SUMF1: variants seen among roughly 807,000 people sequenced by gnomAD.
SUMF1 encodes formylglycine-generating enzyme.
Under a neutral mutation model 47.6 loss-of-function variants are expected in SUMF1, and 48 were observed. That is an observed-to-expected ratio of 1.01 (90% CI 0.80 to 1.28). The LOEUF (loss-of-function observed/expected upper bound fraction) is 1.28. Among genes scored for constraint, SUMF1 ranks in the 50% most tolerant of loss-of-function variants. SUMF1 has a pLI of 0.00. For missense variants in SUMF1, 571 were observed against 485.4 expected (o/e 1.18, Z -1.66); for synonymous variants, 230 against 192.1 (o/e 1.20, Z -1.63).
At chr3:4,164,484 G>A (rs1176114108) in intron 8 of SUMF1, among the ~76,000 whole-genome samples, 2 of 152,148 alleles carry the variant, frequency 1.3e-5, no homozygotes, top group Non-Finnish European at 2.9e-5. Flanking sequence ...TGATTGCCTT[G>A]GCATAGTGGA....
intron 8 of SUMF1, among the ~76,000 whole-genome samples, chr3:4,340,103 GTGCA>G (rs1464343205): frequency 1.4e-5 from 2 of 140,748 alleles, no homozygotes; most frequent in Non-Finnish European, 3.1e-5. Context: ...AGGCACCAAT[GTGCA>G]CACACACACA....
At chr3:4,358,695 T>C (rs1321753828), downstream of SUMF1, among the ~76,000 whole-genome samples, 3 of 152,218 alleles carry the variant, frequency 2.0e-5, no homozygotes, top group Non-Finnish European at 4.4e-5. Context: ...TGCTACACTT[T>C]CCAGTGTGTT....
intron 8 of SUMF1, among the ~76,000 whole-genome samples, chr3:4,326,105 A>C (rs1200373458): frequency 6.6e-6 from 1 of 152,240 alleles, no homozygotes; most frequent in Non-Finnish European, 1.5e-5. Context: ...TACAGGCGTG[A>C]GCCACAGTGC....
chr3:4,221,087 T>C (rs112752047), intron 8 of SUMF1, among the ~76,000 whole-genome samples: 1 of 152,158 alleles, frequency 6.6e-6, no homozygotes, highest in African/African-American at 2.4e-5. Context: ...AGTAGTCACC[T>C]TAGCATCTGG....
chr3:4,376,476 GCT>G, intron 7 of SUMF1, 87 bp from the exon 8 acceptor site: 1 of 1,366,640 alleles, frequency 7.3e-7, no homozygotes, highest in Non-Finnish European at 1.0e-6. Context: ...GATCCAACCA[GCT>G]CTCTCATGGT....
intron 8 of SUMF1, among the ~76,000 whole-genome samples, chr3:4,158,158 C>A (rs1694496410): frequency 6.6e-6 from 1 of 151,492 alleles, no homozygotes; most frequent in Non-Finnish European, 1.5e-5. Flanking sequence ...CTTCAAGGAA[C>A]TTATTATGGT....
chr3:4,467,060 G>T lies in SUMF1; in HGVS notation c.186C>A (p.Gly62=). 1 of 1,566,260 alleles carries T rather than the reference G, an allele frequency of 6.4e-7. No individual in the cohort carries two copies. The highest frequency in any genetic ancestry group is 8.6e-7 in the Non-Finnish European group (1 of 1,156,786). ...AGTATCGGTGAGCGGCTGCCGAACT[G>T]CCATGGGCGCCAGGCCGCTGGGGCG... is the stretch of plus-strand genomic sequence containing the variant. The part of the protein sequence containing the change: ...CGTPQRPGAH[G]SSAAAHRYSR... Residue 62 remains glycine, a synonymous_variant, in exon 1 of 9, where the codon GGC becomes GGA. Transcript: ENST00000272902.
rs1376017017 is a variant in SUMF1 at position 4,456,727 on chromosome 3, C to T, written c.271-3678G>A. On this transcript the variant is annotated intron_variant, in intron 1 of 8. Transcript: ENST00000272902. Reference sequence around the variant, plus strand: ...ATACGTATATATATACATATATATACGTGTGTATATATACACACATATATA... The same window carrying T: ...ATACGTATATATATACATATATATATGTGTGTATATATACACACATATATA... Among the ~76,000 whole-genome samples, 52 of 50,384 alleles carry T rather than the reference C, an allele frequency of 1.0e-3. 2 individuals are homozygous for T. Among genetic ancestry groups the T allele is most frequent in the South Asian group, 1.9e-3 (3 of 1,564 alleles). 33.1% of individuals were successfully genotyped at this position (50,384 alleles called of 152,430 possible).
intron 8 of SUMF1, among the ~76,000 whole-genome samples, chr3:4,143,999 T>C (rs1247286223): frequency 3.3e-5 from 5 of 151,178 alleles, no homozygotes; most frequent in South Asian, 2.1e-4. Flanking sequence ...TTTTTTTTTT[T>C]TTTTTTTTTT....
At chr3:4,400,920 T>C (rs1486986455) in intron 7 of SUMF1, among the ~76,000 whole-genome samples, 1 of 151,816 alleles carries the variant, frequency 6.6e-6, no homozygotes, top group Non-Finnish European at 1.5e-5. Context: ...ATCCATTAAC[T>C]TGTCATTTAC....
At chr3:4,065,031 C>T (rs1045649532) in intron 9 of SUMF1, among the ~76,000 whole-genome samples, 2 of 152,132 alleles carry the variant, frequency 1.3e-5, no homozygotes, top group Admixed American at 6.5e-5. Flanking sequence ...TGGTGCAGTT[C>T]TCCACCCTCT....
intron 8 of SUMF1, among the ~76,000 whole-genome samples, chr3:4,212,970 C>A (rs1348917628): frequency 1.3e-5 from 2 of 152,102 alleles, no homozygotes; most frequent in Non-Finnish European, 2.9e-5. Flanking sequence ...AGAATGGAAC[C>A]AAGTTGGAAA....
chr3:4,123,351 C>G (rs903010182), intron 8 of SUMF1, among the ~76,000 whole-genome samples: 2 of 152,106 alleles, frequency 1.3e-5, no homozygotes, highest in Non-Finnish European at 2.9e-5. Context: ...AGCTAAGTTC[C>G]ATATTCTGCA....
intron 8 of SUMF1, among the ~76,000 whole-genome samples, chr3:4,280,488 AT>A (rs199940636): frequency 1.1e-3 from 167 of 151,580 alleles, no homozygotes; most frequent in African/African-American, 3.9e-3. Flanking sequence ...AGATAATCTA[AT>A]AGAGGAAAAA....
intron 8 of SUMF1, among the ~76,000 whole-genome samples, chr3:4,331,547 G>C (rs1259554792): frequency 6.6e-6 from 1 of 152,202 alleles, no homozygotes; most frequent in Non-Finnish European, 1.5e-5. Flanking sequence ...AAGATAAAAG[G>C]CTGGGCACAG....
intron 8 of SUMF1, among the ~76,000 whole-genome samples, chr3:4,251,159 T>C (rs984621894): frequency 1.3e-5 from 2 of 152,194 alleles, no homozygotes; most frequent in African/African-American, 4.8e-5. Context: ...TCAGCACTAA[T>C]AGGAGTTTGG....
chr3:4,341,594 T>C (rs1309881835), intron 8 of SUMF1, among the ~76,000 whole-genome samples: 1 of 152,238 alleles, frequency 6.6e-6, no homozygotes, highest in Admixed American at 6.5e-5. Context: ...CAAGGCTACA[T>C]GCAAGAGAGA....
At chr3:4,423,463 C>G (rs1288623317) in intron 3 of SUMF1, among the ~76,000 whole-genome samples, 3 of 152,116 alleles carry the variant, frequency 2.0e-5, no homozygotes, top group African/African-American at 7.2e-5. Context: ...CTAGTGACCT[C>G]TCAGCCCATA....
intron 8 of SUMF1, 99 bp from the exon 9 acceptor site, chr3:4,362,353 C>T (rs1335313716): frequency 3.2e-6 from 3 of 946,218 alleles, no homozygotes; most frequent in African/African-American, 3.2e-5. Context: ...ACAGTGCTTC[C>T]CCACAACCCT....
Sources: allele counts gnomAD v4.1 joint callset (sites outside exome capture counted in the v4.1 genomes callset), GRCh38; gene constraint gnomAD v4.1.1; transcripts MANE v1.5; gene names NCBI Gene and HGNC (gene_info 2026-07-23, HGNC 2026-07-21).